Variants in ARID5B observed in about 807,000 individuals in gnomAD.
The protein encoded by ARID5B is AT-rich interaction domain 5B, also known as AT-rich interactive domain-containing protein 5B.
Under a neutral mutation model 97.2 loss-of-function variants are expected in ARID5B, and 13 were observed. The observed-to-expected ratio is 0.13, with a 90% confidence interval of 0.09 to 0.21. ARID5B has a LOEUF of 0.21. Ranked by LOEUF, ARID5B falls within the 10% of genes least tolerant of loss-of-function variation. The pLI is 1.00. For missense variants in ARID5B, 1,210 were observed against 1,465.3 expected (o/e 0.83, Z 2.84); for synonymous variants, 556 against 570.3 (o/e 0.97, Z 0.36).
chr10:61,910,665 T>A (rs1169319918), intron 2 of ARID5B, among the ~76,000 whole-genome samples: 3 of 152,214 alleles, frequency 2.0e-5, no homozygotes, highest in Non-Finnish European at 4.4e-5. Flanking sequence ...ACAACACATT[T>A]CAAACATGCA....
chr10:62,009,453 C>A (rs192873300), intron 4 of ARID5B, among the ~76,000 whole-genome samples: 11 of 152,258 alleles, frequency 7.2e-5, no homozygotes, highest in Non-Finnish European at 1.6e-4. Context: ...GGACATGGAG[C>A]AAGAGGCCAT....
intron 6 of ARID5B, 22 bp from the exon 7 acceptor site, chr10:62,059,221 A>C (rs1839893230): frequency 6.3e-7 from 1 of 1,592,254 alleles, no homozygotes; most frequent in Admixed American, 1.7e-5. Flanking sequence ...GCTTATCTAA[A>C]TACTTATTGT....
chr10:61,973,890 A>G (rs998101026), intron 3 of ARID5B, among the ~76,000 whole-genome samples: 24 of 152,230 alleles, frequency 1.6e-4, no homozygotes, highest in African/African-American at 5.5e-4. Context: ...GTGCGGGTTT[A>G]TTGTATCTGG....
At chr10:61,934,164 G>A (rs527411308) in intron 2 of ARID5B, among the ~76,000 whole-genome samples, 3 of 152,270 alleles carry the variant, frequency 2.0e-5, no homozygotes. Flanking sequence ...TTATTTTGCA[G>A]CTTCCTCACC....
chr10:61,981,577 T>C (rs946170976), intron 3 of ARID5B, among the ~76,000 whole-genome samples: 46 of 152,290 alleles, frequency 3.0e-4, no homozygotes, highest in African/African-American at 9.6e-4. Context: ...TCACCATGCC[T>C]GGCCTGAGGT....
Position 62,087,658 on chromosome 10 carries a change from A to G in ARID5B, c.1398+1758A>G, listed in dbSNP as rs988580779. Among the ~76,000 whole-genome samples the G allele has an allele frequency of 2.0e-5, 3 of 152,236 alleles. No individual in the cohort carries two copies. The South Asian group carries it at 6.2e-4, about 32-fold the overall frequency. ...ATCAGGTTTATAATGAACACATAAGAGGCTCCATAATTAAACACTGGTTTA... is the reference window on the plus strand; with the variant it reads ...ATCAGGTTTATAATGAACACATAAGGGGCTCCATAATTAAACACTGGTTTA... On this transcript the variant is annotated intron_variant, in intron 9 of 9. Coordinates refer to ENST00000279873, the MANE Select transcript of ARID5B (RefSeq NM_032199.3).
chr10:62,077,898 T>A (rs1376454010), intron 8 of ARID5B, among the ~76,000 whole-genome samples: 3 of 152,184 alleles, frequency 2.0e-5, no homozygotes, highest in African/African-American at 7.2e-5. Context: ...TCAGAAAGCA[T>A]GTTTCCAAAA....
intron 7 of ARID5B, among the ~76,000 whole-genome samples, chr10:62,065,185 A>C (rs1486552861): frequency 1.3e-5 from 2 of 152,152 alleles, no homozygotes; most frequent in Non-Finnish European, 2.9e-5. Flanking sequence ...CACTAGGGAG[A>C]AATAACTTTC....
Position 62,094,245 on chromosome 10 carries a change from G to A in ARID5B, c.*1215G>A. 1 of 231,986 alleles carries A rather than the reference G, an allele frequency of 4.3e-6. No individual in the cohort carries two copies. The highest frequency in any genetic ancestry group is 6.1e-5 in the East Asian group (1 of 16,392). The allele number at this position is 231,986 out of a possible 1,614,324, so 14.4% of individuals were successfully genotyped here. A position where few individuals can be genotyped will look rare whatever the true frequency, so the allele number is the denominator to read the frequency against. On this transcript the variant is annotated 3_prime_UTR_variant, in exon 10 of 10. Transcript: ENST00000279873. ...GGTCTGGGAAAGGGGGTTGGGAAGAGGATGGAGCTCAACTGGCCAGAAGAG... is the reference window on the plus strand; with the variant it reads ...GGTCTGGGAAAGGGGGTTGGGAAGAAGATGGAGCTCAACTGGCCAGAAGAG...
chr10:62,087,441 G>A (rs1329897913), intron 9 of ARID5B, among the ~76,000 whole-genome samples: 1 of 150,650 alleles, frequency 6.6e-6, no homozygotes, highest in African/African-American at 2.4e-5. Context: ...ACAGCCTTTT[G>A]GTAGAAGCCA....
chr10:62,067,856 C>G (rs577557172), intron 7 of ARID5B, among the ~76,000 whole-genome samples: 1 of 152,110 alleles, frequency 6.6e-6, no homozygotes, highest in Non-Finnish European at 1.5e-5. Context: ...GTCATGGATG[C>G]GAAAATCCTT....
At position 61,937,852 on chromosome 10, in the gene ARID5B, G is replaced by T. The variant is rs570375709; in HGVS notation, c.277-2331G>T. On this transcript the variant is annotated intron_variant, in intron 2 of 9. Coordinates refer to ENST00000279873, the MANE Select transcript of ARID5B (RefSeq NM_032199.3). ...CTGAGACATTTTCTATATATATGTT[G>T]GCTACTTTTTGTTTTCTTGTGGTGG... Among the ~76,000 whole-genome samples, 8 of 152,170 alleles carry T rather than the reference G, an allele frequency of 5.3e-5. No homozygotes were observed. The South Asian group carries it at 1.5e-3, about 28-fold the overall frequency.
intron 4 of ARID5B, chr10:62,024,916 T>C (rs1020242128): frequency 9.3e-6 from 3 of 323,794 alleles, no homozygotes; most frequent in Non-Finnish European, 1.7e-5. Flanking sequence ...AAAAGATAGC[T>C]ACTTGATTAC....
chr10:61,907,514 G>A (rs971875804), intron 2 of ARID5B, among the ~76,000 whole-genome samples: 1 of 152,150 alleles, frequency 6.6e-6, no homozygotes, highest in Non-Finnish European at 1.5e-5. Context: ...TAATGAAAAG[G>A]GTCTGGAATC....
chr10:61,982,449 G>A (rs938255967), intron 3 of ARID5B, among the ~76,000 whole-genome samples: 2 of 152,018 alleles, frequency 1.3e-5, no homozygotes, highest in Non-Finnish European at 2.9e-5. Flanking sequence ...GGAGGTCAAG[G>A]GAGTCATTAC....
chr10:61,955,911 A>G (rs1838385985), intron 3 of ARID5B, among the ~76,000 whole-genome samples: 1 of 152,142 alleles, frequency 6.6e-6, no homozygotes, highest in Admixed American at 6.6e-5. Flanking sequence ...TCAGCCTCCC[A>G]AAGTGCTGGG....
chr10:62,063,692 C>T (rs1839951329), intron 7 of ARID5B, among the ~76,000 whole-genome samples: 1 of 152,210 alleles, frequency 6.6e-6, no homozygotes, highest in Non-Finnish European at 1.5e-5. Flanking sequence ...AAACAATATT[C>T]TGGCATTTTG....
At chr10:61,925,549 TA>T (rs1214167187) in intron 2 of ARID5B, among the ~76,000 whole-genome samples, 1 of 152,214 alleles carries the variant, frequency 6.6e-6, no homozygotes. Flanking sequence ...CTTCTTTGCA[TA>T]TCAAATGCTT....
chr10:62,047,240 T>C (rs1048787863), intron 4 of ARID5B, among the ~76,000 whole-genome samples: 2 of 152,200 alleles, frequency 1.3e-5, no homozygotes, highest in Non-Finnish European at 2.9e-5. Flanking sequence ...AATTATTGTA[T>C]GCAAAGCACT....
Sources: gnomAD v4.1 joint callset for allele counts (sites outside exome capture counted in the v4.1 genomes callset) on GRCh38, gnomAD v4.1.1 for gene constraint, MANE v1.5 for transcripts, NCBI Gene and HGNC (gene_info 2026-07-23, HGNC 2026-07-21) for gene names.